Variants in USP4 observed in about 807,000 individuals in gnomAD.
The protein encoded by USP4 is ubiquitin carboxyl-terminal hydrolase 4.
In USP4, 72 loss-of-function variants were observed where a neutral mutation model predicts 118.2. That is an observed-to-expected ratio of 0.61 (90% CI 0.50 to 0.74). The LOEUF is 0.74. USP4 is among the 30% of genes least tolerant of loss of function. The probability of loss-of-function intolerance (pLI) is 0.00; values close to 1 mark genes in which losing one functional copy is unlikely to be tolerated. For missense variants in USP4, 1,037 were observed against 1,185.7 expected (o/e 0.87, Z 1.84); for synonymous variants, 415 against 440.4 (o/e 0.94, Z 0.72).
At chr3:49,320,511 A>G (rs1008027119) in intron 6 of USP4, among the ~76,000 whole-genome samples, 1 of 152,192 alleles carries the variant, frequency 6.6e-6, no homozygotes, top group Non-Finnish European at 1.5e-5. Flanking sequence ...CAATGATGCA[A>G]TCGTGGCTCA....
intron 6 of USP4, among the ~76,000 whole-genome samples, chr3:49,316,528 A>G (rs905399356): frequency 6.6e-6 from 1 of 152,142 alleles, no homozygotes; most frequent in Non-Finnish European, 1.5e-5. Flanking sequence ...CATGTTGGCC[A>G]GGCTAGTCTC....
intron 2 of USP4, among the ~76,000 whole-genome samples, chr3:49,329,052 C>A (rs1020721285): frequency 6.6e-6 from 1 of 151,760 alleles, no homozygotes; most frequent in Non-Finnish European, 1.5e-5. Flanking sequence ...GTGGTGCACA[C>A]CTGTAGCCCA....
In USP4 at chr3:49,297,947, C is replaced by T. The variant is rs771494366; in HGVS notation, c.1614G>A (p.Val538=). 1.2e-6 allele frequency: 2 copies of T among 1,613,410 alleles called. No homozygotes were observed. Among genetic ancestry groups the T allele is most frequent in the South Asian group, 1.1e-5 (1 of 91,062 alleles). The change falls in exon 13 of 22, where the codon GTG becomes GTA. Residue 538 remains valine (V), a synonymous_variant. Coordinates refer to ENST00000265560, the MANE Select transcript of USP4 (RefSeq NM_003363.4). ...IAAENMVVAD[V]YNHRFHKIFQ... ...AAATTTTGTGGAATCGGTGATTATA[C>T]ACATCTGCGACCACCATCTAAGAAT...
intron 10 of USP4, among the ~76,000 whole-genome samples, chr3:49,301,295 C>G (rs934043249): frequency 6.6e-6 from 1 of 152,098 alleles, no homozygotes; most frequent in Non-Finnish European, 1.5e-5. Context: ...AACTAGGGGT[C>G]TGTGTGTCCT....
intron 2 of USP4, among the ~76,000 whole-genome samples, chr3:49,328,256 G>A (rs1362170320): frequency 2.0e-5 from 3 of 152,020 alleles, no homozygotes; most frequent in African/African-American, 7.2e-5. Flanking sequence ...TACTCGGGAG[G>A]CTGAGGCAGG....
intron 8 of USP4, among the ~76,000 whole-genome samples, chr3:49,307,880 G>T (rs1331563597): frequency 6.6e-6 from 1 of 152,254 alleles, no homozygotes; most frequent in Middle Eastern, 3.4e-3. Context: ...GTACACACTT[G>T]TAGTCCCAGC....
At chr3:49,316,995 C>T (rs947165078) in intron 6 of USP4, 7 of 716,572 alleles carry the variant, frequency 9.8e-6, no homozygotes, top group Admixed American at 4.5e-5. Context: ...AAGAAGGCAG[C>T]TGCTGCCATG....
At chr3:49,278,961 T>G (rs1043972218) in intron 20 of USP4, 59 bp from the exon 21 acceptor site, 1 of 1,233,532 alleles carries the variant, frequency 8.1e-7, no homozygotes. Context: ...CTGGCTAGCT[T>G]ATTAGGCTTG....
chr3:49,314,358 A>G (rs766774485), intron 6 of USP4, among the ~76,000 whole-genome samples: 1 of 152,180 alleles, frequency 6.6e-6, no homozygotes, highest in Non-Finnish European at 1.5e-5. Flanking sequence ...CTCTAATCCT[A>G]AAGAGGATTT....
chr3:49,311,858 C>A, intron 6 of USP4: 1 of 1,264,332 alleles, frequency 7.9e-7, no homozygotes, highest in Non-Finnish European at 1.0e-6. Context: ...CACATCAGTC[C>A]ACACCACCAC....
intron 2 of USP4, among the ~76,000 whole-genome samples, chr3:49,328,542 G>A (rs2047581226): frequency 6.6e-6 from 1 of 152,020 alleles, no homozygotes; most frequent in Admixed American, 6.6e-5. Flanking sequence ...CAACTCCTCA[G>A]CCATTCAAGT....
At chr3:49,313,264 C>T (rs1223613169) in intron 6 of USP4, among the ~76,000 whole-genome samples, 3 of 152,068 alleles carry the variant, frequency 2.0e-5, no homozygotes, top group Non-Finnish European at 4.4e-5. Flanking sequence ...AGGTAGCTCA[C>T]GCCTATAATC....
At chr3:49,281,464 A>G (rs1400735760) in intron 19 of USP4, among the ~76,000 whole-genome samples, 2 of 146,852 alleles carry the variant, frequency 1.4e-5, no homozygotes, top group Non-Finnish European at 1.5e-5. Context: ...TCAAAAAAGA[A>G]AAAAAGTATG....
intron 19 of USP4, among the ~76,000 whole-genome samples, chr3:49,281,491 TACACACACACACACACACACAC>T (rs71077782): frequency 7.9e-6 from 1 of 126,496 alleles, no homozygotes; most frequent in African/African-American, 3.3e-5. Context: ...TATATATATA[TACACACACACACACACACACAC>T]ACACACACAC....
At position 49,294,576 on chromosome 3, in the gene USP4, C is replaced by T. The variant is rs201746300; in HGVS notation, c.1714G>A (p.Val572Met). 1.9e-5 allele frequency: 30 copies of T among 1,613,862 alleles called. No individual in the cohort carries two copies. The highest frequency in any genetic ancestry group is 2.7e-5 in the African/African-American group (2 of 74,910). Reference sequence around the variant, plus strand: ...AGCGTGACACATTCCGAGCCATCCACGGAAGTGCTGCAGACCTCGTACCTG... The same window carrying T: ...AGCGTGACACATTCCGAGCCATCCATGGAAGTGCTGCAGACCTCGTACCTG... ...IFVYEVCSTS[V>M]DGSECVTLPV... The change falls in exon 14 of 22, where the codon GTG becomes ATG. Residue 572 changes from valine (V) to methionine (M), a missense_variant. By Grantham distance (21) the Val-to-Met change is conservative. Around this residue, in one of 3 missense-constraint regions of USP4, gnomAD observed 522 missense variants for 592.6 expected, o/e 0.88. Coordinates refer to ENST00000265560, the MANE Select transcript of USP4 (RefSeq NM_003363.4).
In USP4 at chr3:49,277,154, T is replaced by C. The variant is rs1432279553; in HGVS notation, c.*1139A>G. ...GCTGGCCCTACCGGCACCCCCCCTT[T>C]GGCGAGTCGGCAGCCACGTCCTTGT... On this transcript the variant is annotated 3_prime_UTR_variant, in exon 22 of 22. Transcript: ENST00000265560. 12 of 1,419,352 alleles carry C rather than the reference T, an allele frequency of 8.5e-6. No individual in the cohort carries two copies. Among genetic ancestry groups the C allele is most frequent in the African/African-American group, 2.8e-5 (2 of 70,502 alleles). 87.9% of individuals were successfully genotyped at this position (1,419,352 alleles called of 1,614,324 possible). A position where few individuals can be genotyped will look rare whatever the true frequency, so the allele number is the denominator to read the frequency against.
chr3:49,317,928 T>G (rs184156765), intron 6 of USP4, among the ~76,000 whole-genome samples: 49 of 152,114 alleles, frequency 3.2e-4, no homozygotes, highest in Non-Finnish European at 5.7e-4. Context: ...CTCTGCCTCC[T>G]GGGTTTAAGC....
At position 49,295,288 on chromosome 3, in the gene USP4, C is replaced by CAAA. The variant is rs34296887; in HGVS notation, c.1692-693_1692-691dup. ...TGGGCAACAGAGCGAGACTCCATCTCAAAAAAAAAAAAAAAAAAAAAAAAA... is the reference window on the plus strand; with the variant it reads ...TGGGCAACAGAGCGAGACTCCATCTCAAAAAAAAAAAAAAAAAAAAAAAAAAAA... On this transcript the variant is annotated intron_variant, in intron 13 of 21. Transcript: ENST00000265560. Among the ~76,000 whole-genome samples the CAAA allele has an allele frequency of 6.7e-4, 8 of 11,944 alleles. 1 individual carries two copies. Among genetic ancestry groups the CAAA allele is most frequent in the Non-Finnish European group, 1.4e-3 (8 of 5,600 alleles). The allele number at this position is 11,944 out of a possible 152,430, so 7.8% of individuals were successfully genotyped here.
chr3:49,287,199 G>A (rs1038569272), intron 15 of USP4, among the ~76,000 whole-genome samples: 3 of 151,860 alleles, frequency 2.0e-5, no homozygotes, highest in African/African-American at 7.3e-5. Flanking sequence ...CTTTCGTCCA[G>A]GCTGGAATGC....
Sources: gnomAD v4.1 joint callset for allele counts (sites outside exome capture counted in the v4.1 genomes callset) on GRCh38, gnomAD v4.1.1 for gene constraint, gnomAD v4.1.1 regional missense constraint, MANE v1.5 for transcripts, NCBI Gene and HGNC (gene_info 2026-07-23, HGNC 2026-07-21) for gene names.